AUTS2: variants seen among roughly 807,000 people sequenced by gnomAD.
AUTS2 encodes autism susceptibility gene 2 protein.
Under a neutral mutation model 112.4 loss-of-function variants are expected in AUTS2, and 17 were observed. The observed-to-expected ratio is 0.15, with a 90% CI of 0.10 to 0.23. The LOEUF is 0.23. Among genes scored for constraint, AUTS2 ranks in the 10% least tolerant of loss-of-function variants. The pLI is 1.00. For synonymous variants in AUTS2, 751 were observed against 702.7 expected, an observed-to-expected ratio of 1.07 and a Z score of -1.09; for missense variants, 1,510 against 1,701.6, an observed-to-expected ratio of 0.89 and a Z score of 1.98.
intron 7 of AUTS2, among the ~76,000 whole-genome samples, chr7:70,763,920 C>CCAGGCT (rs1789735324): frequency 6.6e-6 from 1 of 152,098 alleles, no homozygotes; most frequent in Non-Finnish European, 1.5e-5. Flanking sequence ...TTATGGAAAT[C>CCAGGCT]CAGGCTCTCT....
chr7:69,644,875 C>G (rs917337386), intron 1 of AUTS2, among the ~76,000 whole-genome samples: 4 of 152,054 alleles, frequency 2.6e-5, no homozygotes, highest in Non-Finnish European at 5.9e-5. Context: ...GAAAATCTCA[C>G]CATCTTTCTT....
At chr7:69,656,459 CT>C (rs923314460) in intron 1 of AUTS2, among the ~76,000 whole-genome samples, 4 of 151,912 alleles carry the variant, frequency 2.6e-5, no homozygotes, top group African/African-American at 4.8e-5. Context: ...AATTTGCTTA[CT>C]TTTTTTTTCT....
chr7:70,131,789 G>A (rs537609221), intron 3 of AUTS2, among the ~76,000 whole-genome samples: 5 of 152,040 alleles, frequency 3.3e-5, no homozygotes, highest in Admixed American at 1.3e-4. Flanking sequence ...TATATGATAC[G>A]TGTTGTGAGC....
chr7:70,634,041 TA>T, intron 5 of AUTS2, among the ~76,000 whole-genome samples: 1 of 152,168 alleles, frequency 6.6e-6, no homozygotes, highest in East Asian at 1.9e-4. Flanking sequence ...TGATTCTAGG[TA>T]CTAGATCCAT....
chr7:69,980,563 A>G lies in AUTS2; in HGVS notation c.522+81065A>G, dbSNP rs545049160. ...GCATTATCTTTTCCATACTACATTTATGAACTGGAAACAGTTAAAGCTTGA... is the reference window on the plus strand; with the variant it reads ...GCATTATCTTTTCCATACTACATTTGTGAACTGGAAACAGTTAAAGCTTGA... On this transcript the variant is annotated intron_variant, in intron 2 of 18. Coordinates refer to ENST00000342771, the MANE Select transcript of AUTS2 (RefSeq NM_015570.4). Among the ~76,000 whole-genome samples, 11 of 152,212 alleles carry G rather than the reference A, an allele frequency of 7.2e-5. No homozygotes were observed. In the South Asian group the frequency reaches 1.7e-3, roughly 23 times the overall value.
intron 5 of AUTS2, among the ~76,000 whole-genome samples, chr7:70,524,602 G>A (rs1799768360): frequency 6.6e-6 from 1 of 152,196 alleles, no homozygotes; most frequent in Admixed American, 6.5e-5. Context: ...AGGCATCAGG[G>A]AAGTACCTCT....
chr7:70,077,453 G>C (rs897178904), intron 2 of AUTS2, among the ~76,000 whole-genome samples: 7 of 152,184 alleles, frequency 4.6e-5, no homozygotes, highest in Non-Finnish European at 8.8e-5. Flanking sequence ...ATCTTTATGT[G>C]ATTGGCTAGA....
chr7:70,650,751 G>C (rs1203773409), intron 5 of AUTS2, among the ~76,000 whole-genome samples: 1 of 152,146 alleles, frequency 6.6e-6, no homozygotes, highest in Non-Finnish European at 1.5e-5. Flanking sequence ...ACCATTAACT[G>C]TCAATTTTAT....
chr7:70,550,965 G>C (rs1023200902), intron 5 of AUTS2, among the ~76,000 whole-genome samples: 13 of 152,072 alleles, frequency 8.5e-5, no homozygotes, highest in African/African-American at 3.1e-4. Flanking sequence ...GATGAACCTG[G>C]AGTATGTTAT....
At chr7:69,788,472 TGG>T in intron 1 of AUTS2, among the ~76,000 whole-genome samples, 1 of 152,188 alleles carries the variant, frequency 6.6e-6, no homozygotes. Flanking sequence ...TTGTGAAGTC[TGG>T]GCAGGCTTCA....
intron 2 of AUTS2, among the ~76,000 whole-genome samples, chr7:70,077,014 G>A (rs1290851123): frequency 6.6e-6 from 1 of 152,134 alleles, no homozygotes; most frequent in East Asian, 1.9e-4. Flanking sequence ...TTATTTAAAG[G>A]GCTGTCATGT....
At chr7:70,387,719 A>T (rs1435492343) in intron 4 of AUTS2, among the ~76,000 whole-genome samples, 1 of 152,142 alleles carries the variant, frequency 6.6e-6, no homozygotes, top group East Asian at 1.9e-4. Flanking sequence ...GCCATCATGT[A>T]TATAATAGCT....
intron 12 of AUTS2, chr7:70,774,415 A>T: frequency 3.2e-6 from 1 of 308,530 alleles, no homozygotes; most frequent in Non-Finnish European, 6.0e-6. Flanking sequence ...GTATCTCCTT[A>T]AATTGTCTTA....
chr7:70,597,336 A>C (rs1239402562), intron 5 of AUTS2, among the ~76,000 whole-genome samples: 1 of 152,222 alleles, frequency 6.6e-6, no homozygotes. Context: ...CCGGGGTATT[A>C]ACCCCGATTT....
At chr7:70,702,587 G>A (rs1809517229) in intron 6 of AUTS2, among the ~76,000 whole-genome samples, 1 of 152,214 alleles carries the variant, frequency 6.6e-6, no homozygotes, top group Non-Finnish European at 1.5e-5. Flanking sequence ...GGGCATTTCT[G>A]AATGGTTTCC....
chr7:70,056,308 A>G (rs1281432502), intron 2 of AUTS2, among the ~76,000 whole-genome samples: 1 of 152,100 alleles, frequency 6.6e-6, no homozygotes, highest in Non-Finnish European at 1.5e-5. Context: ...TTTTACTTTT[A>G]TAGCCTAAAG....
chr7:69,617,888 C>T (rs750910744), intron 1 of AUTS2, among the ~76,000 whole-genome samples: 15 of 152,080 alleles, frequency 9.9e-5, no homozygotes, highest in African/African-American at 2.7e-4. Context: ...AAGTGGGAAA[C>T]GGCTTTGCCA....
At chr7:70,091,646 C>A (rs956946345) in intron 2 of AUTS2, among the ~76,000 whole-genome samples, 1 of 152,096 alleles carries the variant, frequency 6.6e-6, no homozygotes, top group Non-Finnish European at 1.5e-5. Flanking sequence ...AGTCACTGTT[C>A]TTCTTTTTGG....
At position 70,617,973 on chromosome 7, in the gene AUTS2, A is replaced by C. The variant is rs575960857; in HGVS notation, c.691-80596A>C. On this transcript the variant is annotated intron_variant, in intron 5 of 18. Transcript: ENST00000342771. ...TCTGCTTCACATCTCCAGAAAATGT[A>C]TTCCCTTTAACAACTTAACTTGGAG... Among the ~76,000 whole-genome samples, 30 of 152,336 alleles carry C rather than the reference A, an allele frequency of 2.0e-4. No individual in the cohort carries two copies. The South Asian group carries it at 5.6e-3, about 28-fold the overall frequency.
Sources: allele counts gnomAD v4.1 joint callset (sites outside exome capture counted in the v4.1 genomes callset), GRCh38; gene constraint gnomAD v4.1.1; transcripts MANE v1.5; gene names NCBI Gene and HGNC (gene_info 2026-07-23, HGNC 2026-07-21).